NECTIN2: variants seen among roughly 807,000 people sequenced by gnomAD.
NECTIN2 encodes nectin cell adhesion molecule 2.
In NECTIN2, 23 loss-of-function variants were observed where a neutral mutation model predicts 56.9. The observed-to-expected ratio is 0.40, with a 90% confidence interval of 0.29 to 0.57. NECTIN2 has a LOEUF of 0.57. NECTIN2 is among the 20% of genes least tolerant of loss of function. The probability of loss-of-function intolerance (pLI) is 0.38; values close to 1 mark genes in which losing one functional copy is unlikely to be tolerated. For synonymous variants in NECTIN2, 302 were observed against 313.8 expected (o/e 0.96, Z 0.40); for missense variants, 587 against 718.3 (o/e 0.82, Z 2.09).
Position 44,868,842 on chromosome 19 carries a change from G to T in NECTIN2, c.479-3011G>T, listed in dbSNP as rs372975013. Among the ~76,000 whole-genome samples the T allele has an allele frequency of 4.3e-4, 66 of 151,914 alleles. No homozygotes were observed. The East Asian group carries it at 0.011, about 25-fold the overall frequency. ...CAGGAGAATGGCTTGAACCCGGGAG[G>T]CGGAGCTTGCAGTGAGCCGAGATCG... On this transcript the variant is annotated intron_variant, in intron 2 of 8. Transcript: ENST00000252483.
chr19:44,852,065 G>A (rs943898707), intron 1 of NECTIN2, among the ~76,000 whole-genome samples: 2 of 132,972 alleles, frequency 1.5e-5, no homozygotes, highest in East Asian at 2.4e-4. Flanking sequence ...CCCTGATCCC[G>A]GCGCCTCCCC....
At chr19:44,877,197 G>A (rs1468939986) in intron 5 of NECTIN2, among the ~76,000 whole-genome samples, 1 of 152,110 alleles carries the variant, frequency 6.6e-6, no homozygotes, top group Non-Finnish European at 1.5e-5. Context: ...GTCCTTCCTG[G>A]GTCTCAGCCC....
rs376327646 is a variant in NECTIN2 at position 44,882,255 on chromosome 19, G to A, written c.1087G>A (p.Gly363Arg). Residue 363 changes from glycine to arginine, a missense_variant, in exon 6 of 9, where the codon GGG becomes AGG. Gly to Arg is a moderately radical substitution (Grantham distance 125). Coordinates refer to ENST00000252483, the MANE Select transcript of NECTIN2 (RefSeq NM_001042724.2). ...AGAGATGGIIGGIIAAIIATA... is the reference protein window; with the variant it reads ...AGAGATGGIIRGIIAAIIATA... ...CGCAGGGGCCACAGGCGGCATCATC[G>A]GGGGCATCATCGCCGCCATCATTGC... 37 of 1,552,026 alleles carry A rather than the reference G, an allele frequency of 2.4e-5. No individual in the cohort carries two copies. The highest frequency in any genetic ancestry group is 2.2e-4 in the African/African-American group (16 of 71,768).
intron 5 of NECTIN2, chr19:44,878,666 C>G (rs201833210): frequency 8.4e-6 from 13 of 1,544,542 alleles, no homozygotes; most frequent in Non-Finnish European, 1.1e-5. Flanking sequence ...CTCCCGCCCC[C>G]GACCTGACCA....
At chr19:44,850,280 CAG>C (rs1291328356) in intron 1 of NECTIN2, among the ~76,000 whole-genome samples, 1 of 152,022 alleles carries the variant, frequency 6.6e-6, no homozygotes, top group Admixed American at 6.6e-5. Context: ...GAACTAGACA[CAG>C]AGAGAGATAG....
Position 44,857,709 on chromosome 19 carries a change from T to TG in NECTIN2, c.89-7562_89-7561insG, listed in dbSNP as rs769971139. 3.0e-3 allele frequency among the ~76,000 whole-genome samples: 441 copies of TG among 147,338 alleles called. 7 individuals carry two copies. Among genetic ancestry groups the TG allele is most frequent in the African/African-American group, 9.8e-3 (389 of 39,664 alleles). On this transcript the variant is annotated intron_variant, in intron 1 of 8. Coordinates refer to ENST00000252483, the MANE Select transcript of NECTIN2 (RefSeq NM_001042724.2). Reference sequence around the variant, plus strand: ...GAGCCATCGTGCCGGGTTTTTGTTTTTGTTTTTTTTTTTTTAAGAGATGAA... The same window carrying TG: ...GAGCCATCGTGCCGGGTTTTTGTTTTGTGTTTTTTTTTTTTTAAGAGATGAA...
At chr19:44,885,888 A>G in intron 6 of NECTIN2, 49 bp from the exon 7 acceptor site, 1 of 1,463,264 alleles carries the variant, frequency 6.8e-7, no homozygotes, top group Non-Finnish European at 9.6e-7. Context: ...CCGGAGTCAG[A>G]GGGATGCCTG....
At chr19:44,866,877 C>A (rs1283201790) in intron 2 of NECTIN2, among the ~76,000 whole-genome samples, 1 of 152,080 alleles carries the variant, frequency 6.6e-6, no homozygotes, top group Admixed American at 6.6e-5. Context: ...AAGGCAACTA[C>A]AAAGTCCGGG....
intron 5 of NECTIN2, chr19:44,879,006 A>C: frequency 1.2e-6 from 1 of 823,512 alleles, no homozygotes; most frequent in Non-Finnish European, 1.5e-6. Flanking sequence ...TGGGACAGGG[A>C]CTCCTAGGTC....
intron 2 of NECTIN2, among the ~76,000 whole-genome samples, chr19:44,871,110 C>CCCT (rs1328862123): frequency 6.6e-6 from 1 of 152,210 alleles, no homozygotes; most frequent in Non-Finnish European, 1.5e-5. Context: ...AAGTGATCCA[C>CCCT]CCTCCTCAGC....
intron 1 of NECTIN2, among the ~76,000 whole-genome samples, chr19:44,850,956 G>A (rs1392946986): frequency 6.6e-6 from 1 of 152,094 alleles, no homozygotes; most frequent in African/African-American, 2.4e-5. Flanking sequence ...GCCAGGCCCT[G>A]GGGAGCCAGC....
At chr19:44,876,537 G>T (rs539421851) in intron 5 of NECTIN2, among the ~76,000 whole-genome samples, 1 of 152,038 alleles carries the variant, frequency 6.6e-6, no homozygotes, top group Admixed American at 6.6e-5. Context: ...TAGAAATCCC[G>T]TCTCAAGCAG....
At chr19:44,852,985 G>A (rs1352553196) in intron 1 of NECTIN2, among the ~76,000 whole-genome samples, 3 of 151,844 alleles carry the variant, frequency 2.0e-5, no homozygotes, top group African/African-American at 4.8e-5. Flanking sequence ...GGTGGTGCCC[G>A]CCTGTAGTCC....
Position 44,846,459 on chromosome 19 carries a change from A to C in NECTIN2, c.-67A>C. The C allele has an allele frequency of 7.2e-7, 1 of 1,395,316 alleles. No individual in the cohort carries two copies. Among genetic ancestry groups the C allele is most frequent in the Non-Finnish European group, 9.2e-7 (1 of 1,084,016 alleles). The allele number at this position is 1,395,316 out of a possible 1,614,324, so 86.4% of individuals were successfully genotyped here. On this transcript the variant is annotated 5_prime_UTR_variant, in exon 1 of 9. Transcript: ENST00000252483. ...CCCACAGGCACCTACTAAACCGCCC[A>C]GCCGATCGGCCCCCACAGAGTGGCC... is the stretch of plus-strand genomic sequence containing the variant.
rs1047105657 is a variant in NECTIN2, at chr19:44,867,487, C to T, written c.478+1827C>T. ...CCATCCTGGACAAGAGAGCGAGACC[C>T]TGTCTTAAAACAAGTCCAGTCCGGG... On this transcript the variant is annotated intron_variant, in intron 2 of 8. Transcript: ENST00000252483. Among the ~76,000 whole-genome samples, 7 of 152,230 alleles carry T rather than the reference C, an allele frequency of 4.6e-5. 1 individual carries two copies. In the South Asian group the frequency reaches 1.2e-3, roughly 27 times the overall value.
At chr19:44,861,158 G>A (rs1969028134) in intron 1 of NECTIN2, among the ~76,000 whole-genome samples, 1 of 152,136 alleles carries the variant, frequency 6.6e-6, no homozygotes, top group Non-Finnish European at 1.5e-5. Context: ...ACAGATGCTG[G>A]CAAGGATTTG....
intron 5 of NECTIN2, among the ~76,000 whole-genome samples, chr19:44,881,100 T>C (rs1276202289): frequency 1.3e-5 from 2 of 151,946 alleles, no homozygotes; most frequent in East Asian, 3.9e-4. Flanking sequence ...TTAAAATTTT[T>C]TCTAGAGATG....
chr19:44,869,948 A>G (rs1478014610), intron 2 of NECTIN2, among the ~76,000 whole-genome samples: 3 of 152,112 alleles, frequency 2.0e-5, no homozygotes, highest in African/African-American at 4.8e-5. Context: ...TCTGTCTCAA[A>G]TTAATAAAAA....
Position 44,881,937 on chromosome 19 carries a change from T to C in NECTIN2, c.1043-274T>C, listed in dbSNP as rs1414868629. On this transcript the variant is annotated intron_variant, in intron 5 of 8. Coordinates refer to ENST00000252483, the MANE Select transcript of NECTIN2 (RefSeq NM_001042724.2). ...CCATCTGGCATGTGAGCTATTGTAC[T>C]GGTTTGCTTACTGTTGTTCTCCCTG... The C allele has an allele frequency of 2.3e-5, 7 of 305,144 alleles. No homozygotes were observed. The East Asian group carries it at 3.2e-4, about 14-fold the overall frequency. The allele number at this position is 305,144 out of a possible 1,614,324, so 18.9% of individuals were successfully genotyped here.
Sources: allele counts gnomAD v4.1 joint callset (sites outside exome capture counted in the v4.1 genomes callset), GRCh38; gene constraint gnomAD v4.1.1; transcripts MANE v1.5; gene names NCBI Gene and HGNC (gene_info 2026-07-23, HGNC 2026-07-21).